Variants in PATJ observed in about 807,000 individuals in gnomAD.
PATJ encodes inaD-like protein.
Under a neutral mutation model 224.9 loss-of-function variants are expected in PATJ, and 190 were observed. The ratio of observed to expected loss-of-function variants is 0.84; its 90% confidence interval spans 0.75 to 0.95. PATJ has a LOEUF of 0.95. PATJ is among the 40% of genes least tolerant of loss of function. The pLI, the probability that PATJ is intolerant of heterozygous loss-of-function variation, is 0.00. For missense variants in PATJ, 2,121 were observed against 2,270.3 expected (o/e 0.93, Z 1.34); for synonymous variants, 769 against 820.3 (o/e 0.94, Z 1.07).
At chr1:61,871,383 T>G (rs1458573321) in intron 20 of PATJ, among the ~76,000 whole-genome samples, 1 of 27,232 alleles carries the variant, frequency 3.7e-5, no homozygotes, top group African/African-American at 9.4e-5. Flanking sequence ...GGATAATTTT[T>G]TGTGTATATA....
At chr1:62,017,744 A>G (rs1181271367) in intron 28 of PATJ, 112 bp from the exon 29 acceptor site, 22 of 576,922 alleles carry the variant, frequency 3.8e-5, no homozygotes, top group Non-Finnish European at 5.2e-5. Context: ...AAAAAAAAAA[A>G]AAAGAAAAGA....
At chr1:62,116,305 G>A (rs1337206724) in intron 35 of PATJ, among the ~76,000 whole-genome samples, 1 of 152,052 alleles carries the variant, frequency 6.6e-6, no homozygotes, top group African/African-American at 2.4e-5. Context: ...GTAAGCTACT[G>A]GTAAGTGAAA....
In PATJ at chr1:62,134,330, C is replaced by CTTTTTTTTT. The variant is rs779235130; in HGVS notation, c.5271+5396_5271+5404dup. 1.6e-3 allele frequency among the ~76,000 whole-genome samples: 158 copies of CTTTTTTTTT among 96,388 alleles called. 1 individual carries two copies. The highest frequency in any genetic ancestry group is 0.018 in the Middle Eastern group (2 of 110). The allele number at this position is 96,388 out of a possible 152,430, so 63.2% of individuals were successfully genotyped here. ...TGTGAGCCATCGCACCCAGCCCTCT[C>CTTTTTTTTT]TTTTTTTTTTTTTTTTTTTCTTTTT... On this transcript the variant is annotated intron_variant, in intron 41 of 43. Transcript: ENST00000642238.
At chr1:61,774,747 C>G (rs1218013373) in intron 6 of PATJ, among the ~76,000 whole-genome samples, 2 of 152,082 alleles carry the variant, frequency 1.3e-5, no homozygotes, top group African/African-American at 4.8e-5. Context: ...CTTAAATGCC[C>G]CTTTTCCTTG....
chr1:61,978,465 G>C (rs967669261), intron 27 of PATJ, among the ~76,000 whole-genome samples: 1 of 151,786 alleles, frequency 6.6e-6, no homozygotes, highest in African/African-American at 2.4e-5. Flanking sequence ...GGGTTGCTCC[G>C]TGTTGGTCAG....
intron 29 of PATJ, among the ~76,000 whole-genome samples, chr1:62,036,903 G>A (rs1458466590): frequency 1.6e-5 from 2 of 122,370 alleles, no homozygotes; most frequent in East Asian, 2.2e-4. Flanking sequence ...GGAAGGAAGG[G>A]AGGGAGGGAG....
intron 16 of PATJ, among the ~76,000 whole-genome samples, chr1:61,830,024 A>T (rs1047866038): frequency 9.9e-5 from 15 of 152,200 alleles, no homozygotes; most frequent in African/African-American, 3.6e-4. Context: ...GTTAGGTTCA[A>T]TCCACTGTGG....
chr1:62,147,692 G>A (rs564565142), intron 41 of PATJ, among the ~76,000 whole-genome samples: 16 of 152,080 alleles, frequency 1.1e-4, no homozygotes, highest in African/African-American at 3.4e-4. Flanking sequence ...CCAGCTACTC[G>A]GGAGGCTGAG....
chr1:61,815,222 A>G (rs1655863374), intron 14 of PATJ, among the ~76,000 whole-genome samples: 1 of 152,146 alleles, frequency 6.6e-6, no homozygotes, highest in African/African-American at 2.4e-5. Flanking sequence ...TGCTGTGGGA[A>G]AGGGCTTGTG....
chr1:61,862,308 T>C (rs1664741761), intron 19 of PATJ, among the ~76,000 whole-genome samples: 1 of 151,936 alleles, frequency 6.6e-6, no homozygotes, highest in South Asian at 2.1e-4. Flanking sequence ...GCAATTCTCC[T>C]GCCTCAGCCT....
chr1:61,828,676 G>A (rs1181208189), intron 16 of PATJ, among the ~76,000 whole-genome samples: 2 of 152,158 alleles, frequency 1.3e-5, no homozygotes, highest in Non-Finnish European at 2.9e-5. Context: ...ATAGGTGTGA[G>A]CGACTGTACC....
intron 33 of PATJ, among the ~76,000 whole-genome samples, chr1:62,087,849 G>C (rs995582197): frequency 1.3e-5 from 2 of 151,636 alleles, no homozygotes; most frequent in Admixed American, 6.6e-5. Context: ...CAGGAATTTG[G>C]TCTGCGCTGT....
At chr1:61,887,044 T>A (rs183864847) in intron 22 of PATJ, among the ~76,000 whole-genome samples, 2 of 151,432 alleles carry the variant, frequency 1.3e-5, no homozygotes, top group Non-Finnish European at 2.9e-5. Context: ...AATGGGAAAA[T>A]ATATATATGT....
chr1:61,927,262 G>A (rs1208801147), intron 26 of PATJ, among the ~76,000 whole-genome samples: 9 of 152,104 alleles, frequency 5.9e-5, no homozygotes, highest in Non-Finnish European at 1.0e-4. Flanking sequence ...GGTATGTCAC[G>A]TGTCTTTTAA....
At chr1:61,991,656 T>C (rs1247147926) in intron 28 of PATJ, 1 of 985,252 alleles carries the variant, frequency 1.0e-6, no homozygotes, top group East Asian at 1.1e-4. Context: ...CTTCCAGGAT[T>C]ACTTTTCTTT....
At chr1:62,038,124 T>A (rs1202877191) in intron 30 of PATJ, 75 bp downstream of exon 30, 1 of 927,870 alleles carries the variant, frequency 1.1e-6, no homozygotes, top group Non-Finnish European at 1.6e-6. Flanking sequence ...TCTGACATTT[T>A]TGATATTCAG....
At chr1:62,080,446 CT>C (rs1406101028) in intron 32 of PATJ, among the ~76,000 whole-genome samples, 1 of 152,042 alleles carries the variant, frequency 6.6e-6, no homozygotes, top group East Asian at 1.9e-4. Flanking sequence ...ATTCTCCTGC[CT>C]CGGCCTCCTG....
chr1:61,924,820 C>T (rs1411100498), intron 26 of PATJ, among the ~76,000 whole-genome samples: 1 of 152,122 alleles, frequency 6.6e-6, no homozygotes, highest in Non-Finnish European at 1.5e-5. Context: ...GCAGCTATAG[C>T]CATATGTCAA....
At chr1:61,901,664 TAAAAACTTCAGCTGATTGCAA>T (rs1671170158) in intron 24 of PATJ, among the ~76,000 whole-genome samples, 1 of 152,170 alleles carries the variant, frequency 6.6e-6, no homozygotes. Flanking sequence ...AATAAAATGA[TAAAAACTTCAGCTGATTGCAA>T]AAAAACACTT....
Sources: allele counts gnomAD v4.1 joint callset (sites outside exome capture counted in the v4.1 genomes callset), GRCh38; gene constraint gnomAD v4.1.1; transcripts MANE v1.5; gene names NCBI Gene and HGNC (gene_info 2026-07-23, HGNC 2026-07-21).